The following TEX36 variants were observed in gnomAD, a reference collection of about 807,000 sequenced individuals.
The protein encoded by TEX36 is testis-expressed protein 36.
In TEX36, 12 loss-of-function variants were observed where a neutral mutation model predicts 13.6. The ratio of observed to expected loss-of-function variants is 0.88; its 90% CI spans 0.56 to 1.43. The LOEUF is 1.43. Ranked by LOEUF, TEX36 falls within the 40% of genes most tolerant of loss-of-function variation. The pLI is 0.00. For synonymous variants in TEX36, 93 were observed against 83.0 expected (o/e 1.12, Z -0.65); for missense variants, 224 against 228.3 (o/e 0.98, Z 0.12).
chr10:125,618,942 TAAAAAAAAAAAAAA>T (rs11452140), downstream of TEX36, among the ~76,000 whole-genome samples: 155 of 43,588 alleles, frequency 3.6e-3, 1 homozygote, highest in African/African-American at 0.014. Flanking sequence ...CCGTCTCTAC[TAAAAAAAAAAAAAA>T]AAAAAAAAAA....
intron 3 of TEX36, among the ~76,000 whole-genome samples, chr10:125,624,268 G>A (rs1846460308): frequency 6.6e-6 from 1 of 152,210 alleles, no homozygotes; most frequent in South Asian, 2.1e-4. Context: ...ATGACAGTGA[G>A]AGACACCGAT....
At chr10:125,614,516 C>T (rs1400598171) in intron 3 of TEX36, among the ~76,000 whole-genome samples, 7 of 151,948 alleles carry the variant, frequency 4.6e-5, no homozygotes, top group Admixed American at 2.6e-4. Context: ...CCAGTTTTCC[C>T]AGCACCATTT....
intron 3 of TEX36, among the ~76,000 whole-genome samples, chr10:125,626,280 A>T (rs1052825983): frequency 6.6e-6 from 1 of 152,130 alleles, no homozygotes; most frequent in African/African-American, 2.4e-5. Context: ...CCCAACCTGC[A>T]ACAGTCGGCT....
At chr10:125,615,012 G>A (rs1846339017) in intron 3 of TEX36, among the ~76,000 whole-genome samples, 1 of 152,142 alleles carries the variant, frequency 6.6e-6, no homozygotes, top group South Asian at 2.1e-4. Flanking sequence ...CTTGTAAGTT[G>A]GATTCCTAGG....
chr10:125,598,250 G>A (rs1184950992), intron 3 of TEX36, among the ~76,000 whole-genome samples: 1 of 152,174 alleles, frequency 6.6e-6, no homozygotes, highest in Non-Finnish European at 1.5e-5. Context: ...TGTTGAGGTC[G>A]TAGTCTAGGC....
chr10:125,639,998 C>A (rs1846666700), intron 3 of TEX36, among the ~76,000 whole-genome samples: 1 of 152,206 alleles, frequency 6.6e-6, no homozygotes, highest in Non-Finnish European at 1.5e-5. Context: ...CTCCTTCAGG[C>A]CAAAGGAATT....
intron 3 of TEX36, among the ~76,000 whole-genome samples, chr10:125,638,788 GTGCAGGTCAC>G (rs1157511119): frequency 6.6e-6 from 1 of 152,218 alleles, no homozygotes; most frequent in African/African-American, 2.4e-5. Context: ...CTGGGCCCGT[GTGCAGGTCAC>G]TGCACTCCAG....
At chr10:125,651,416 T>A (rs1846854311), downstream of TEX36, among the ~76,000 whole-genome samples, 1 of 152,206 alleles carries the variant, frequency 6.6e-6, no homozygotes, top group African/African-American at 2.4e-5. Context: ...TCTCAATAGA[T>A]GCAGAAAAGG....
chr10:125,669,636 G>C (rs748785230), intron 1 of TEX36, among the ~76,000 whole-genome samples: 4 of 152,054 alleles, frequency 2.6e-5, no homozygotes, highest in Non-Finnish European at 5.9e-5. Context: ...GTGCAGGAGA[G>C]GCAGTCTTGT....
At chr10:125,594,777 C>T (rs921699092) in intron 3 of TEX36, among the ~76,000 whole-genome samples, 8 of 152,142 alleles carry the variant, frequency 5.3e-5, no homozygotes, top group Admixed American at 3.9e-4. Flanking sequence ...TTGATAAAAA[C>T]TGTCTGCACA....
At chr10:125,617,932 T>C (rs1365214338), downstream of TEX36, among the ~76,000 whole-genome samples, 3 of 151,636 alleles carry the variant, frequency 2.0e-5, no homozygotes, top group East Asian at 1.9e-4. Context: ...ACCAATCAGA[T>C]GTAGATTTGG....
At chr10:125,660,632 C>T (rs1412555137) in intron 3 of TEX36, among the ~76,000 whole-genome samples, 1 of 152,162 alleles carries the variant, frequency 6.6e-6, no homozygotes, top group Non-Finnish European at 1.5e-5. Flanking sequence ...GGAAATCCTT[C>T]CTTATATTAT....
intron 3 of TEX36, among the ~76,000 whole-genome samples, chr10:125,607,940 CCAG>C (rs1846235581): frequency 6.6e-6 from 1 of 152,172 alleles, no homozygotes; most frequent in Non-Finnish European, 1.5e-5. Flanking sequence ...GTCTCCAGAG[CCAG>C]CAGGTGCCAT....
At chr10:125,587,514 C>G (rs373862944) in intron 3 of TEX36, among the ~76,000 whole-genome samples, 47 of 152,184 alleles carry the variant, frequency 3.1e-4, no homozygotes, top group African/African-American at 1.1e-3. Flanking sequence ...ACAGGCCAGA[C>G]CAGTGGCTCA....
chr10:125,630,705 G>A (rs946363512), intron 3 of TEX36, among the ~76,000 whole-genome samples: 1 of 152,140 alleles, frequency 6.6e-6, no homozygotes, highest in African/African-American at 2.4e-5. Context: ...TCTGTTAGGG[G>A]GATGGCACCC....
intron 3 of TEX36, among the ~76,000 whole-genome samples, chr10:125,604,524 A>C (rs1315889178): frequency 6.6e-6 from 1 of 152,142 alleles, no homozygotes; most frequent in Non-Finnish European, 1.5e-5. Context: ...ACATAAAGAA[A>C]AAAAGAGAGC....
rs1330378431 is a variant in TEX36 at position 125,661,716 on chromosome 10, C to A, written c.183+130G>T. The A allele has an allele frequency of 3.2e-6, 4 of 1,265,494 alleles. No homozygotes were observed. In the East Asian group the frequency reaches 1.0e-4, roughly 32 times the overall value. The allele number at this position is 1,265,494 out of a possible 1,614,324, so 78.4% of individuals were successfully genotyped here. ...GGTATGGGGTGGGGATACTACCAACCCTTAGGGGTCCAAGGATAGTAAATG... is the reference window on the plus strand; with the variant it reads ...GGTATGGGGTGGGGATACTACCAACACTTAGGGGTCCAAGGATAGTAAATG... On this transcript the variant is annotated intron_variant, in intron 2 of 3. Transcript: ENST00000368821.
At chr10:125,619,838 A>T (rs189779787), downstream of TEX36, among the ~76,000 whole-genome samples, 1 of 152,124 alleles carries the variant, frequency 6.6e-6, no homozygotes, top group Non-Finnish European at 1.5e-5. Flanking sequence ...TACAGGCGTG[A>T]GCCACCTCGC....
rs116329289 is a variant in TEX36 at position 125,598,249 on chromosome 10, C to T, written c.265-21375G>A. On this transcript the variant is annotated intron_variant, in intron 3 of 3. Transcript: ENST00000532135. ...TGATATAATGCACATTTGTTGAGGT[C>T]GTAGTCTAGGCTGGACCCTGCCCAG... Among the ~76,000 whole-genome samples, 300 of 152,298 alleles carry T rather than the reference C, an allele frequency of 2.0e-3. 1 individual carries two copies. Among genetic ancestry groups the T allele is most frequent in the African/African-American group, 7.1e-3 (296 of 41,568 alleles).
Sources: gnomAD v4.1 joint callset for allele counts (sites outside exome capture counted in the v4.1 genomes callset) on GRCh38, gnomAD v4.1.1 for gene constraint, MANE v1.5 for transcripts, NCBI Gene and HGNC (gene_info 2026-07-23, HGNC 2026-07-21) for gene names.